CSRNP3: variants seen among roughly 807,000 people sequenced by gnomAD.
The protein encoded by CSRNP3 is cysteine/serine-rich nuclear protein 3.
A neutral mutation model predicts 48.0 loss-of-function variants in CSRNP3; 12 were observed. The observed-to-expected ratio is 0.25, with a 90% CI of 0.16 to 0.41. The LOEUF (loss-of-function observed/expected upper bound fraction) is 0.41, where lower values mean the gene tolerates loss of function less well. Ranked by LOEUF, CSRNP3 falls within the 10% of genes least tolerant of loss-of-function variation. CSRNP3 has a pLI of 1.00. For missense variants in CSRNP3, 580 were observed against 724.4 expected (o/e 0.80, Z 2.29); for synonymous variants, 263 against 269.7 (o/e 0.98, Z 0.24).
chr2:165,594,916 T>A (rs1036162581), intron 3 of CSRNP3, 127 bp from the exon 4 acceptor site: 40 of 613,700 alleles, frequency 6.5e-5, no homozygotes, highest in Non-Finnish European at 1.0e-4. Flanking sequence ...CTGCTAAAGA[T>A]CCTTTCAAGG....
intron 4 of CSRNP3, among the ~76,000 whole-genome samples, chr2:165,646,022 G>A (rs1170361332): frequency 6.6e-6 from 1 of 152,150 alleles, no homozygotes; most frequent in Non-Finnish European, 1.5e-5. Flanking sequence ...TGGGATAACA[G>A]GCATGAGCGA....
intron 1 of CSRNP3, among the ~76,000 whole-genome samples, chr2:165,492,724 T>TAAAAAAAAAAAAAAAAAA (rs11304265): frequency 2.7e-5 from 3 of 110,182 alleles, no homozygotes; most frequent in Non-Finnish European, 5.4e-5. Flanking sequence ...ACTATTAGAG[T>TAAAAAAAAAAAAAAAAAA]AAAAAAAAAA....
In CSRNP3 at chr2:165,686,315, TG is replaced by T. The variant is rs1687630014; in HGVS notation, c.*6563del. 2 of 152,044 alleles carry T rather than the reference TG, an allele frequency of 1.3e-5. No homozygotes were observed. The highest frequency in any genetic ancestry group is 4.8e-5 in the African/African-American group (2 of 41,418). 9.4% of individuals were successfully genotyped at this position (152,044 alleles called of 1,614,324 possible). ...GGCTTCCTAATAATGGTTTTGCTGT[TG>T]TCTCTACATAGGGGACCTATGGAAA... On this transcript the variant is annotated 3_prime_UTR_variant, in exon 7 of 7. Transcript: ENST00000651982.
chr2:165,594,938 C>A, intron 3 of CSRNP3, 105 bp from the exon 4 acceptor site: 1 of 882,278 alleles, frequency 1.1e-6, no homozygotes, highest in South Asian at 2.1e-5. Context: ...AAAGCTATAG[C>A]TCAGCTCATG....
intron 3 of CSRNP3, among the ~76,000 whole-genome samples, chr2:165,538,417 T>C (rs939103719): frequency 1.3e-5 from 2 of 151,910 alleles, no homozygotes; most frequent in Non-Finnish European, 2.9e-5. Context: ...CTTTGAAGAT[T>C]ATATCTGCTG....
chr2:165,518,275 A>C (rs1198560812), intron 3 of CSRNP3, among the ~76,000 whole-genome samples: 1 of 152,012 alleles, frequency 6.6e-6, no homozygotes, highest in Non-Finnish European at 1.5e-5. Flanking sequence ...ATTGTTAAAT[A>C]TAAACCTATT....
rs1161196695 is a variant in CSRNP3, at chr2:165,520,737, T to TTA, written c.-24+2779_-24+2780dup. Among the ~76,000 whole-genome samples the TTA allele has an allele frequency of 2.5e-3, 327 of 131,656 alleles. 6 individuals carry two copies. Among genetic ancestry groups the TTA allele is most frequent in the African/African-American group, 8.6e-3 (306 of 35,500 alleles). 86.4% of individuals were successfully genotyped at this position (131,656 alleles called of 152,430 possible). Reference sequence around the variant, plus strand: ...GTCTATCTATATTTATATATCTATTTTATAGATATATAAATAGATATATAG... The same window carrying TTA: ...GTCTATCTATATTTATATATCTATTTTATATAGATATATAAATAGATATATAG... On this transcript the variant is annotated intron_variant, in intron 3 of 6. Transcript: ENST00000651982.
chr2:165,538,274 A>G lies in CSRNP3; in HGVS notation c.-24+20313A>G, dbSNP rs1346359834. On this transcript the variant is annotated intron_variant, in intron 3 of 6. Coordinates refer to ENST00000651982, the MANE Select transcript of CSRNP3 (RefSeq NM_001172173.2). ...CCTTTTATTATTATTAATTATTATT[A>G]CTACTACATACCACCCTGTCTCTAA... Among the ~76,000 whole-genome samples, 4 of 151,984 alleles carry G rather than the reference A, an allele frequency of 2.6e-5. No homozygotes were observed. The East Asian group carries it at 7.7e-4, about 29-fold the overall frequency.
intron 2 of CSRNP3, among the ~76,000 whole-genome samples, chr2:165,508,106 C>CT (rs1053030493): frequency 4.0e-5 from 6 of 151,846 alleles, no homozygotes; most frequent in Admixed American, 2.6e-4. Context: ...GTCAGTTTTT[C>CT]TTTTTTTAGA....
intron 3 of CSRNP3, among the ~76,000 whole-genome samples, chr2:165,580,469 GA>G (rs1685525338): frequency 6.6e-6 from 1 of 152,134 alleles, no homozygotes; most frequent in East Asian, 1.9e-4. Flanking sequence ...TTACTTTGAA[GA>G]ATGTCCAAAG....
intron 3 of CSRNP3, among the ~76,000 whole-genome samples, chr2:165,528,418 T>G (rs1469421898): frequency 5.9e-5 from 9 of 152,222 alleles, no homozygotes; most frequent in African/African-American, 2.2e-4. Flanking sequence ...ATGTGGTGTT[T>G]TCCTATGCTT....
chr2:165,685,572 A>G lies in CSRNP3; in HGVS notation c.*5819A>G, dbSNP rs1240897809. 6.6e-6 allele frequency: 1 copy of G among 152,158 alleles called. No individual in the cohort carries two copies. The highest frequency in any genetic ancestry group is 1.5e-5 in the Non-Finnish European group (1 of 68,000). 9.4% of individuals were successfully genotyped at this position (152,158 alleles called of 1,614,324 possible). On this transcript the variant is annotated 3_prime_UTR_variant, in exon 7 of 7. Coordinates refer to ENST00000651982, the MANE Select transcript of CSRNP3 (RefSeq NM_001172173.2). ...CACATCTAGCCTGGAATTTTAGTAA[A>G]TACAGATACTTGTTGTATCCATGGG...
intron 3 of CSRNP3, among the ~76,000 whole-genome samples, chr2:165,530,041 C>A (rs929779298): frequency 6.6e-6 from 1 of 152,096 alleles, no homozygotes; most frequent in Admixed American, 6.5e-5. Context: ...ACAGATGTAT[C>A]TTTGTAGTTT....
At chr2:165,609,187 G>A (rs1017627911) in intron 4 of CSRNP3, among the ~76,000 whole-genome samples, 1 of 151,084 alleles carries the variant, frequency 6.6e-6, no homozygotes, top group Non-Finnish European at 1.5e-5. Flanking sequence ...CAGGCGCAGT[G>A]GCTCACGCCT....
At chr2:165,585,345 G>A (rs762278386) in intron 3 of CSRNP3, among the ~76,000 whole-genome samples, 1 of 151,718 alleles carries the variant, frequency 6.6e-6, no homozygotes, top group African/African-American at 2.4e-5. Flanking sequence ...TTGACGTTGT[G>A]AATATTTTTA....
chr2:165,624,543 C>T (rs535675073), intron 4 of CSRNP3, among the ~76,000 whole-genome samples: 83 of 152,322 alleles, frequency 5.4e-4, no homozygotes, highest in African/African-American at 2.0e-3. Flanking sequence ...CAGTCCCTTG[C>T]TGGCCAGCTG....
chr2:165,670,890 TA>T (rs1466724006), intron 5 of CSRNP3, among the ~76,000 whole-genome samples: 1 of 152,074 alleles, frequency 6.6e-6, no homozygotes, highest in Non-Finnish European at 1.5e-5. Context: ...GAGGCAACAT[TA>T]TTTTTTTGAA....
At chr2:165,545,052 C>T (rs1047337177) in intron 3 of CSRNP3, among the ~76,000 whole-genome samples, 4 of 152,232 alleles carry the variant, frequency 2.6e-5, no homozygotes, top group African/African-American at 4.8e-5. Context: ...GAGAATAAAG[C>T]GACTGGTTGT....
intron 4 of CSRNP3, among the ~76,000 whole-genome samples, chr2:165,622,652 A>G (rs915268013): frequency 2.6e-5 from 4 of 152,168 alleles, no homozygotes; most frequent in African/African-American, 7.2e-5. Flanking sequence ...TCCTGACACC[A>G]TGTTCCCATT....
Sources: gnomAD v4.1 joint callset for allele counts (sites outside exome capture counted in the v4.1 genomes callset) on GRCh38, gnomAD v4.1.1 for gene constraint, MANE v1.5 for transcripts, NCBI Gene and HGNC (gene_info 2026-07-23, HGNC 2026-07-21) for gene names.